RLF: variants seen among roughly 807,000 people sequenced by gnomAD.
RLF encodes RLF zinc finger, also known as zinc finger protein Rlf.
In RLF, 7 loss-of-function variants were observed where a neutral mutation model predicts 162.9. The observed-to-expected ratio is 0.04, with a 90% CI of 0.02 to 0.08. RLF has a LOEUF of 0.08. RLF is among the 10% of genes least tolerant of loss of function. The pLI is 1.00. For missense variants in RLF, 1,664 were observed against 2,244.7 expected (o/e 0.74, Z 5.23); for synonymous variants, 782 against 791.5 (o/e 0.99, Z 0.20).
chr1:40,236,577 A>T lies in RLF; in HGVS notation c.1875A>T (p.Gln625His). The change falls in exon 8 of 8, where the codon CAA becomes CAT. Residue 625 changes from glutamine to histidine, a missense_variant. Physicochemically the swap from Gln to His is conservative, Grantham distance 24 (BLOSUM62 0). Transcript: ENST00000372771. This position sits in a 1 kb window ranked among gnomAD's most constrained non-coding sequence, Gnocchi z 7.7. ...SKKKLLLKGS[Q>H]KGICPKSPSA... ...AGAAATTACTGTTAAAAGGCTCTCAAAAGGGTATTTGTCCTAAGAGCCCCT... is the reference window on the plus strand; with the variant it reads ...AGAAATTACTGTTAAAAGGCTCTCATAAGGGTATTTGTCCTAAGAGCCCCT... The T allele has an allele frequency of 6.2e-7, 1 of 1,614,166 alleles. No individual in the cohort carries two copies.
intron 2 of RLF, 68 bp downstream of exon 2, chr1:40,189,277 C>G (rs1243037864): frequency 1.5e-6 from 2 of 1,295,658 alleles, no homozygotes; most frequent in Non-Finnish European, 2.2e-6. Context: ...CCTGGTTTCT[C>G]TTTACAGTGG....
chr1:40,234,217 T>G (rs1643189107), intron 7 of RLF, among the ~76,000 whole-genome samples: 1 of 152,238 alleles, frequency 6.6e-6, no homozygotes, highest in Non-Finnish European at 1.5e-5. Context: ...CCCAAAGTGC[T>G]GGGATTACAG....
intron 1 of RLF, among the ~76,000 whole-genome samples, chr1:40,179,956 A>T (rs1432490982): frequency 6.6e-6 from 1 of 152,116 alleles, no homozygotes; most frequent in African/African-American, 2.4e-5. Flanking sequence ...ATAATACTCC[A>T]TTTTATGGAT....
chr1:40,236,554 A>C lies in RLF; in HGVS notation c.1852A>C (p.Lys618Gln). The change falls in exon 8 of 8, where the codon AAA (lysine) becomes CAA (glutamine). Residue 618 changes from lysine to glutamine, a missense_variant. Transcript: ENST00000372771. The surrounding 1 kb of genome is among the most constrained non-coding windows in gnomAD (Gnocchi z 7.7). ...PPSRRDRSKK[K>Q]LLLKGSQKGI... The stretch of plus-strand genomic sequence containing the variant: ...AAGCAGAAGGGACCGCTCTAAAAAG[A>C]AATTACTGTTAAAAGGCTCTCAAAA... The C allele has an allele frequency of 6.2e-7, 1 of 1,614,152 alleles. No individual in the cohort carries two copies. Among genetic ancestry groups the C allele is most frequent in the Non-Finnish European group, 8.5e-7 (1 of 1,180,018 alleles).
At chr1:40,184,078 T>C (rs187751103) in intron 1 of RLF, among the ~76,000 whole-genome samples, 3 of 152,190 alleles carry the variant, frequency 2.0e-5, no homozygotes, top group African/African-American at 7.2e-5. Context: ...GTAGAGAGAA[T>C]TAAGGGTGAG....
At chr1:40,217,922 T>TA in intron 5 of RLF, among the ~76,000 whole-genome samples, 1 of 152,350 alleles carries the variant, frequency 6.6e-6, no homozygotes, top group East Asian at 1.9e-4. Flanking sequence ...CCATGCTGTG[T>TA]AACGTGTATG....
At chr1:40,179,279 G>C (rs1017264699) in intron 1 of RLF, among the ~76,000 whole-genome samples, 1 of 152,188 alleles carries the variant, frequency 6.6e-6, no homozygotes, top group Non-Finnish European at 1.5e-5. Context: ...TAGCCAGAAT[G>C]CCTGTTATTT....
At chr1:40,175,869 T>C (rs1460242695) in intron 1 of RLF, among the ~76,000 whole-genome samples, 1 of 151,858 alleles carries the variant, frequency 6.6e-6, no homozygotes, top group African/African-American at 2.4e-5. Context: ...ATTATATCCA[T>C]CATCCCTAGA....
intron 1 of RLF, among the ~76,000 whole-genome samples, chr1:40,183,160 G>T (rs1642429372): frequency 6.6e-6 from 1 of 152,094 alleles, no homozygotes; most frequent in African/African-American, 2.4e-5. Flanking sequence ...GTACTTCAGA[G>T]ATCCATCTCA....
intron 5 of RLF, among the ~76,000 whole-genome samples, chr1:40,204,703 T>G (rs1380594501): frequency 6.6e-6 from 1 of 152,118 alleles, no homozygotes; most frequent in African/African-American, 2.4e-5. Flanking sequence ...ATTACAGGTG[T>G]GAGCCACTCA....
intron 1 of RLF, among the ~76,000 whole-genome samples, chr1:40,174,254 C>T (rs1642284911): frequency 6.6e-6 from 1 of 152,078 alleles, no homozygotes; most frequent in African/African-American, 2.4e-5. Context: ...GCCTGTAATC[C>T]CAGCTACTCG....
At position 40,205,016 on chromosome 1, in the gene RLF, CTTCT is replaced by C. The variant is rs138145539; in HGVS notation, c.810+2403_810+2406del. Reference sequence around the variant, plus strand: ...TCCTAGCTAAGGCCAGCCTCCCTCACTTCTGTATTTCAATTGATGTTGTCTCCCT... The same window carrying C: ...TCCTAGCTAAGGCCAGCCTCCCTCACGTATTTCAATTGATGTTGTCTCCCT... On this transcript the variant is annotated intron_variant, in intron 5 of 7. Transcript: ENST00000372771. Among the ~76,000 whole-genome samples the C allele has an allele frequency of 6.5e-3, 990 of 152,344 alleles. 4 individuals carry two copies. The highest frequency in any genetic ancestry group is 0.027 in the Middle Eastern group (8 of 294).
chr1:40,176,901 G>A (rs1370667834), intron 1 of RLF, among the ~76,000 whole-genome samples: 2 of 151,950 alleles, frequency 1.3e-5, no homozygotes, highest in Non-Finnish European at 2.9e-5. Context: ...GCTTTGCAAA[G>A]ATTTTCTCCC....
chr1:40,238,495 G>A lies in RLF; in HGVS notation c.3793G>A (p.Glu1265Lys). Residue 1265 changes from glutamate (E) to lysine (K), a missense_variant, in exon 8 of 8, where the codon GAA (glutamate) becomes AAA (lysine). This residue lies in a region of RLF where 102 missense variants were observed against 109.5 expected (regional missense o/e 0.93). Transcript: ENST00000372771. This position sits in a 1 kb window ranked among gnomAD's most constrained non-coding sequence, Gnocchi z 5.2. ...TTTGGAATCATCTTGTGAAGAAACA[G>A]AAAGTAAAACATCTGACATTTCATC... Reference protein sequence around the residue: ...TDLESSCEETESKTSDISSPI... With the variant: ...TDLESSCEETKSKTSDISSPI... 1 of 1,614,024 alleles carries A rather than the reference G, an allele frequency of 6.2e-7. No individual in the cohort carries two copies. The highest frequency in any genetic ancestry group is 8.5e-7 in the Non-Finnish European group (1 of 1,179,994).
Position 40,237,939 on chromosome 1 carries a change from A to G in RLF, c.3237A>G (p.Gly1079=). 2 of 1,614,124 alleles carry G rather than the reference A, an allele frequency of 1.2e-6. No homozygotes were observed. Among genetic ancestry groups the G allele is most frequent in the Non-Finnish European group, 1.7e-6 (2 of 1,179,986 alleles). The part of the protein sequence containing the change: ...HLSLKNSITH[G]SFSGSLQGYP... ...GCTTGAAAAACTCAATAACACATGG[A>G]TCTTTCTCAGGGTCATTGCAGGGGT... is the stretch of plus-strand genomic sequence containing the variant. The change falls in exon 8 of 8, where the codon GGA becomes GGG. Residue 1079 remains glycine, a synonymous_variant. Transcript: ENST00000372771. This position sits in a 1 kb window ranked among gnomAD's most constrained non-coding sequence, Gnocchi z 4.4.
intron 1 of RLF, among the ~76,000 whole-genome samples, chr1:40,169,343 G>A (rs1188898481): frequency 1.6e-4 from 25 of 151,940 alleles, no homozygotes; most frequent in African/African-American, 5.8e-4. Flanking sequence ...TCGGCCGGGC[G>A]CGGTGGCTCA....
rs746223682 is a variant in RLF, at chr1:40,239,972, G to A, written c.5270G>A (p.Arg1757Gln). The part of the protein sequence containing the change: ...KENFRKHSQP[R>Q]SFDLKTYKPM... ...AATTTTAGGAAACATTCACAGCCCC[G>A]GTCATTTGATTTGAAGACTTACAAA... is the stretch of plus-strand genomic sequence containing the variant. Residue 1757 changes from arginine to glutamine, a missense_variant, in exon 8 of 8, where the codon CGG becomes CAG. Physicochemically the swap from Arg to Gln is conservative, Grantham distance 43 (BLOSUM62 1). Transcript: ENST00000372771. The A allele has an allele frequency of 5.0e-6, 8 of 1,613,490 alleles. No individual in the cohort carries two copies. The highest frequency in any genetic ancestry group is 4.0e-5 in the African/African-American group (3 of 74,886).
intron 1 of RLF, among the ~76,000 whole-genome samples, chr1:40,173,342 C>G (rs543959446): frequency 1.3e-5 from 2 of 152,078 alleles, no homozygotes; most frequent in African/African-American, 4.8e-5. Flanking sequence ...TCCCAAAGCT[C>G]TGGGATTACA....
intron 5 of RLF, among the ~76,000 whole-genome samples, chr1:40,215,596 T>A (rs1347245495): frequency 6.6e-6 from 1 of 152,078 alleles, no homozygotes; most frequent in Non-Finnish European, 1.5e-5. Context: ...TTTTGTTGTT[T>A]TTGAGACAGG....
Sources: allele counts gnomAD v4.1 joint callset (sites outside exome capture counted in the v4.1 genomes callset), GRCh38; gene constraint gnomAD v4.1.1; regional missense constraint gnomAD v4.1.1; non-coding constraint Gnocchi (gnomAD v3.1); transcripts MANE v1.5; gene names NCBI Gene and HGNC (gene_info 2026-07-23, HGNC 2026-07-21).